CCDC187: variants seen among roughly 807,000 people sequenced by gnomAD.
CCDC187 encodes the protein coiled-coil domain-containing protein 187.
A neutral mutation model predicts 38.0 loss-of-function variants in CCDC187; 32 were observed. The ratio of observed to expected loss-of-function variants is 0.84; its 90% CI spans 0.64 to 1.13. CCDC187 has a LOEUF of 1.13. CCDC187 is among the 50% of genes most tolerant of loss of function. CCDC187 has a pLI of 0.00. For missense variants in CCDC187, 707 were observed against 786.8 expected (o/e 0.90, Z 1.21); for synonymous variants, 333 against 347.9 (o/e 0.96, Z 0.48).
chr9:136,267,281 G>T, intron 16 of CCDC187, 103 bp downstream of exon 16: 1 of 834,608 alleles, frequency 1.2e-6, no homozygotes, highest in Non-Finnish European at 1.4e-6. Context: ...GGCCACGGGC[G>T]GGACCCGGAC....
intron 14 of CCDC187, among the ~76,000 whole-genome samples, chr9:136,271,491 A>G (rs1830838972): frequency 6.6e-6 from 1 of 152,140 alleles, no homozygotes; most frequent in Non-Finnish European, 1.5e-5. Flanking sequence ...ATTGCACTCC[A>G]GCTTGGGCAA....
Position 136,289,653 on chromosome 9 carries a change from G to A in CCDC187, c.2222+306C>T, listed in dbSNP as rs1044534441. Among the ~76,000 whole-genome samples, 7 of 152,280 alleles carry A rather than the reference G, an allele frequency of 4.6e-5. No individual in the cohort carries two copies. In the South Asian group the frequency reaches 1.0e-3, roughly 23 times the overall value. ...GGCTCATGGGGAGATGGAATGTTCC[G>A]GAACTCAGTAGAAGTGGTGGTTGCA... On this transcript the variant is annotated intron_variant, in intron 7 of 25. Transcript: ENST00000638797.
At chr9:136,279,627 C>T (rs1301689426) in intron 10 of CCDC187, among the ~76,000 whole-genome samples, 5 of 152,216 alleles carry the variant, frequency 3.3e-5, no homozygotes, top group African/African-American at 7.2e-5. Flanking sequence ...TCAGGAAGGG[C>T]GGTCAGCAAA....
At position 136,260,083 on chromosome 9, in the gene CCDC187, G is replaced by A. The variant is rs149412389; in HGVS notation, c.4210+36C>T. On this transcript the variant is annotated intron_variant, in intron 20 of 25. Coordinates refer to ENST00000638797, the MANE Select transcript of CCDC187 (RefSeq NM_001378188.1). ...CCCAGGGCCCACTGAATGAGCATCC[G>A]TCTGACCCTGGGCGGTCGCCGCGGC... 781 of 985,324 alleles carry A rather than the reference G, an allele frequency of 7.9e-4. 6 individuals carry two copies. The East Asian group carries it at 9.4e-3, about 12-fold the overall frequency. 61.0% of individuals were successfully genotyped at this position (985,324 alleles called of 1,614,324 possible). A position where few individuals can be genotyped will look rare whatever the true frequency, so the allele number is the denominator to read the frequency against.
Position 136,290,720 on chromosome 9 carries a change from T to G in CCDC187, c.1893A>C (p.Gly631=), listed in dbSNP as rs1420522579. 5 of 398,212 alleles carry G rather than the reference T, an allele frequency of 1.3e-5. No individual in the cohort carries two copies. Among genetic ancestry groups the G allele is most frequent in the Admixed American group, 8.8e-5 (2 of 22,710 alleles). 24.7% of individuals were successfully genotyped at this position (398,212 alleles called of 1,614,324 possible). The change falls in exon 6 of 26, where the codon GGA becomes GGC. Residue 631 remains glycine (G), a synonymous_variant. Coordinates refer to ENST00000638797, the MANE Select transcript of CCDC187 (RefSeq NM_001378188.1). ...RPCPRSRGLL[G]PSHSSESLRE... ...GCAAGGACTCAGAGCTGTGCGAGGG[T>G]CCCAGGAGCCCCCGGGACCTGGGGC...
Position 136,254,591 on chromosome 9 carries a change from G to T in CCDC187, c.5237C>A (p.Pro1746His). ...AGWLLPFPDIPSPRSGSELSE... is the reference protein window; with the variant it reads ...AGWLLPFPDIHSPRSGSELSE... Reference sequence around the variant, plus strand: ...CAGCTCTGACCCTGACCTTGGAGAGGGGATGTCTGGGAAAGGCAGTAGCCA... The same window carrying T: ...CAGCTCTGACCCTGACCTTGGAGAGTGGATGTCTGGGAAAGGCAGTAGCCA... The change falls in exon 26 of 26, where the codon CCC (proline) becomes CAC (histidine). Residue 1746 changes from proline (P) to histidine (H), a missense_variant. Transcript: ENST00000638797. The T allele has an allele frequency of 2.0e-6, 2 of 985,536 alleles. No individual in the cohort carries two copies. Among genetic ancestry groups the T allele is most frequent in the Non-Finnish European group, 2.4e-6 (2 of 829,984 alleles). The allele number at this position is 985,536 out of a possible 1,614,324, so 61.0% of individuals were successfully genotyped here. A position where few individuals can be genotyped will look rare whatever the true frequency, so the allele number is the denominator to read the frequency against.
Position 136,253,701 on chromosome 9 carries a change from G to C in CCDC187, c.6127C>G (p.Leu2043Val). Residue 2043 changes from leucine to valine, a missense_variant, in exon 26 of 26, where the codon CTT (leucine) becomes GTT (valine). Coordinates refer to ENST00000638797, the MANE Select transcript of CCDC187 (RefSeq NM_001378188.1). Reference sequence around the variant, plus strand: ...GTGGTGATGGCGGTGTCCTCCTCAAGGGGCCCCGAGGGCGGGGAAGGGAAG... The same window carrying C: ...GTGGTGATGGCGGTGTCCTCCTCAACGGGCCCCGAGGGCGGGGAAGGGAAG... ...DAFPSPPSGP[L>V]EEDTAITTQD... 3.0e-6 allele frequency: 3 copies of C among 985,556 alleles called. No individual in the cohort carries two copies. The highest frequency in any genetic ancestry group is 3.6e-6 in the Non-Finnish European group (3 of 829,996). The allele number at this position is 985,556 out of a possible 1,614,324, so 61.1% of individuals were successfully genotyped here.
chr9:136,268,716 G>A (rs1830789904), intron 14 of CCDC187, among the ~76,000 whole-genome samples: 1 of 152,144 alleles, frequency 6.6e-6, no homozygotes, highest in African/African-American at 2.4e-5. Context: ...TGTTTATATA[G>A]AGATATGTGT....
chr9:136,267,434 C>A lies in CCDC187; in HGVS notation c.3597G>T (p.Ala1199=). ...GCTCCGCGAGCGTTTTCTCCTGGAGCGCCATCTCTCGCAGGCGCAGCAGCG... is the reference window on the plus strand; with the variant it reads ...GCTCCGCGAGCGTTTTCTCCTGGAGAGCCATCTCTCGCAGGCGCAGCAGCG... The part of the protein sequence containing the change: ...QAALLRLREM[A]LQEKTLAELA... Residue 1199 remains alanine, a synonymous_variant, in exon 16 of 26, where the codon GCG becomes GCT. Coordinates refer to ENST00000638797, the MANE Select transcript of CCDC187 (RefSeq NM_001378188.1). 4.1e-6 allele frequency: 4 copies of A among 985,536 alleles called. No individual in the cohort carries two copies. In the South Asian group the frequency reaches 1.9e-4, roughly 46 times the overall value. 61.0% of individuals were successfully genotyped at this position (985,536 alleles called of 1,614,324 possible). A position where few individuals can be genotyped will look rare whatever the true frequency, so the allele number is the denominator to read the frequency against.
chr9:136,255,800 C>T (rs981664626), intron 24 of CCDC187, 67 bp from the exon 25 acceptor site: 12 of 804,052 alleles, frequency 1.5e-5, no homozygotes, highest in African/African-American at 1.9e-5. Context: ...CCAGGGCCCA[C>T]TGTCAGGGAC....
intron 10 of CCDC187, among the ~76,000 whole-genome samples, chr9:136,280,039 G>A (rs1035193463): frequency 0.13 from 20,013 of 152,256 alleles, 1,508 homozygotes; most frequent in Admixed American, 0.2. Context: ...TACATTTCTG[G>A]TCATTATAAA....
At chr9:136,265,135 G>A (rs1830728827) in intron 17 of CCDC187, among the ~76,000 whole-genome samples, 1 of 152,238 alleles carries the variant, frequency 6.6e-6, no homozygotes, top group Admixed American at 6.5e-5. Context: ...AGGCACAGCG[G>A]CCGCGACCTG....
intron 4 of CCDC187, among the ~76,000 whole-genome samples, chr9:136,294,051 C>T (rs1159140192): frequency 6.6e-6 from 1 of 150,944 alleles, no homozygotes; most frequent in Non-Finnish European, 1.5e-5. Context: ...TACACACGCC[C>T]TCACATGTGC....
intron 4 of CCDC187, among the ~76,000 whole-genome samples, chr9:136,293,155 A>C (rs1437076127): frequency 1.6e-5 from 2 of 125,184 alleles, no homozygotes; most frequent in African/African-American, 6.6e-5. Context: ...TCACAAACAC[A>C]TGCTCACACA....
In CCDC187 at chr9:136,250,767, G is replaced by A. The variant is rs1192238242; in HGVS notation, c.*2827C>T. The A allele has an allele frequency of 4.4e-6, 2 of 456,172 alleles. No individual in the cohort carries two copies. The highest frequency in any genetic ancestry group is 1.5e-5 in the South Asian group (1 of 64,568). 28.3% of individuals were successfully genotyped at this position (456,172 alleles called of 1,614,324 possible). A position where few individuals can be genotyped will look rare whatever the true frequency, so the allele number is the denominator to read the frequency against. On this transcript the variant is annotated 3_prime_UTR_variant, in exon 26 of 26. Transcript: ENST00000638797. ...GGGCTTCCTGTGCACATGGTGAATG[G>A]GGACCCTGACACAGGCCGGCCATTG...
At chr9:136,266,078 A>G in intron 16 of CCDC187, 35 bp from the exon 17 acceptor site, 1 of 975,928 alleles carries the variant, frequency 1.0e-6, no homozygotes, top group Non-Finnish European at 1.2e-6. Context: ...GCCAATGTTG[A>G]CAGCCCGTGC....
chr9:136,286,026 C>T, intron 8 of CCDC187, 59 bp downstream of exon 8: 1 of 397,904 alleles, frequency 2.5e-6, no homozygotes, highest in East Asian at 3.6e-5. Flanking sequence ...CCCCATTCCT[C>T]CCAGCCCACA....
chr9:136,290,231 G>A (rs1383126782), intron 6 of CCDC187, among the ~76,000 whole-genome samples, 178 bp from the exon 7 acceptor site: 1 of 152,144 alleles, frequency 6.6e-6, no homozygotes, highest in Non-Finnish European at 1.5e-5. Flanking sequence ...TCCCTCCGGA[G>A]CCCCGTTGCA....
intron 14 of CCDC187, among the ~76,000 whole-genome samples, chr9:136,269,004 G>C (rs1830795264): frequency 6.6e-6 from 1 of 152,186 alleles, no homozygotes; most frequent in Admixed American, 6.5e-5. Context: ...GTGTCAGAGA[G>C]GAGAGAGTCG....
Sources: gnomAD v4.1 joint callset for allele counts (sites outside exome capture counted in the v4.1 genomes callset) on GRCh38, gnomAD v4.1.1 for gene constraint, MANE v1.5 for transcripts, NCBI Gene and HGNC (gene_info 2026-07-23, HGNC 2026-07-21) for gene names.